Variants in NECAP1 observed in about 807,000 individuals in gnomAD.
NECAP1 encodes adaptin ear-binding coat-associated protein 1.
A neutral mutation model predicts 33.4 loss-of-function variants in NECAP1; 13 were observed. That is an observed-to-expected ratio of 0.39 (90% CI 0.25 to 0.62). NECAP1 has a LOEUF of 0.62. NECAP1 is among the 20% of genes least tolerant of loss of function. The pLI is 0.52. For synonymous variants in NECAP1, 109 were observed against 125.2 expected (o/e 0.87, Z 0.86); for missense variants, 272 against 347.4 (o/e 0.78, Z 1.73).
intron 7 of NECAP1, 69 bp downstream of exon 7, chr12:8,095,772 C>G: frequency 6.9e-7 from 1 of 1,445,868 alleles, no homozygotes; most frequent in East Asian, 2.3e-5. Flanking sequence ...CAATTGAAAT[C>G]TTTGATCTGG....
chr12:8,092,517 T>G, intron 4 of NECAP1, 159 bp from the exon 5 acceptor site: 344 of 551,258 alleles, frequency 6.2e-4, no homozygotes, highest in Middle Eastern at 1.5e-3. Flanking sequence ...CCCCAGTTGT[T>G]TTCTTTCTTG....
chr12:8,087,264 TTATA>T (rs60677195), intron 1 of NECAP1, among the ~76,000 whole-genome samples: 1 of 150,222 alleles, frequency 6.7e-6, no homozygotes, highest in African/African-American at 2.4e-5. Flanking sequence ...GGTTTTTTAT[TTATA>T]TATATATAAA....
At position 8,089,847 on chromosome 12, in the gene NECAP1, A is replaced by T. The variant is rs1322567230; in HGVS notation, c.96-89A>T. On this transcript the variant is annotated intron_variant, in intron 1 of 7. Coordinates refer to ENST00000339754, the MANE Select transcript of NECAP1 (RefSeq NM_015509.4). ...AGGTAGAAAGAATAGGCAATCCAGG[A>T]TAGGGAAATAGAAATACAGTCAAAG... 6 of 958,934 alleles carry T rather than the reference A, an allele frequency of 6.3e-6. No homozygotes were observed. In the South Asian group the frequency reaches 7.9e-5, roughly 13 times the overall value. 59.4% of individuals were successfully genotyped at this position (958,934 alleles called of 1,614,324 possible).
intron 4 of NECAP1, chr12:8,092,148 TTATGTGGGGA>T: frequency 2.5e-6 from 1 of 398,644 alleles, no homozygotes; most frequent in Admixed American, 4.2e-5. Flanking sequence ...CAGCAGGGCT[TTATGTGGGGA>T]GTCGTGTGCC....
intron 1 of NECAP1, among the ~76,000 whole-genome samples, chr12:8,087,964 AT>A (rs1352988665): frequency 1.3e-5 from 2 of 152,156 alleles, no homozygotes; most frequent in African/African-American, 4.8e-5. Flanking sequence ...TTGTTCAAAT[AT>A]ACCTTGTGGT....
intron 6 of NECAP1, 182 bp downstream of exon 6, chr12:8,093,237 T>C (rs1009779720): frequency 3.5e-6 from 2 of 568,648 alleles, no homozygotes; most frequent in Non-Finnish European, 5.9e-6. Context: ...TAGTATCTCA[T>C]AGGTTCTTTG....
At chr12:8,095,919 G>C (rs1237430569) in intron 7 of NECAP1, 123 bp from the exon 8 acceptor site, 2 of 1,297,234 alleles carry the variant, frequency 1.5e-6, no homozygotes, top group African/African-American at 1.5e-5. Flanking sequence ...TTTGTAAGTA[G>C]AATTGCCATG....
Position 8,082,497 on chromosome 12 carries a change from T to TAGC in NECAP1, c.95+115_95+117dup, listed in dbSNP as rs1188332941. ...TACTACCTCTGTATTGTCACCTTGC[T>TAGC]AGCCTCCCTACCTGGGTTGTCATCT... On this transcript the variant is annotated intron_variant, in intron 1 of 7. Transcript: ENST00000339754. 3.2e-6 allele frequency: 3 copies of TAGC among 924,306 alleles called. No homozygotes were observed. The African/African-American group carries it at 4.9e-5, about 15-fold the overall frequency. The allele number at this position is 924,306 out of a possible 1,614,324, so 57.3% of individuals were successfully genotyped here.
chr12:8,091,743 G>C, intron 3 of NECAP1, 26 bp from the exon 4 acceptor site: 1 of 1,610,624 alleles, frequency 6.2e-7, no homozygotes, highest in Non-Finnish European at 8.5e-7. Flanking sequence ...ATACTTCCTA[G>C]TCGAGTCTTC....
chr12:8,095,493 C>G, intron 6 of NECAP1, 108 bp from the exon 7 acceptor site: 1 of 672,304 alleles, frequency 1.5e-6, no homozygotes. Context: ...CATGATCCAC[C>G]CGCCTCGGCC....
rs1479695542 is a variant in NECAP1, at chr12:8,097,406, G to C, written c.*1316G>C. On this transcript the variant is annotated 3_prime_UTR_variant, in exon 8 of 8. Coordinates refer to ENST00000339754, the MANE Select transcript of NECAP1 (RefSeq NM_015509.4). ...ATTGGGTATGTACACTCTGGCCGAA[G>C]GGAGTCCTTATGTTTAGTTTCAAAA... is the stretch of plus-strand genomic sequence containing the variant. 2 of 152,634 alleles carry C rather than the reference G, an allele frequency of 1.3e-5. No individual in the cohort carries two copies. Among genetic ancestry groups the C allele is most frequent in the African/African-American group, 4.8e-5 (2 of 41,454 alleles). The allele number at this position is 152,634 out of a possible 1,614,324, so 9.5% of individuals were successfully genotyped here.
At chr12:8,084,257 T>G (rs1262232535) in intron 1 of NECAP1, among the ~76,000 whole-genome samples, 2 of 152,206 alleles carry the variant, frequency 1.3e-5, no homozygotes, top group Non-Finnish European at 2.9e-5. Context: ...GTAGCAGTTC[T>G]GTTTTTAATA....
intron 6 of NECAP1, chr12:8,093,286 A>G (rs1565645242): frequency 2.0e-6 from 1 of 503,738 alleles, no homozygotes; most frequent in African/African-American, 2.0e-5. Flanking sequence ...AATTTCCTTC[A>G]TTTTTTTCTT....
At chr12:8,094,383 T>C (rs1947575946) in intron 6 of NECAP1, among the ~76,000 whole-genome samples, 1 of 152,228 alleles carries the variant, frequency 6.6e-6, no homozygotes, top group Admixed American at 6.5e-5. Context: ...TTGATACCAC[T>C]TTCTCATCTT....
At chr12:8,089,795 G>C in intron 1 of NECAP1, 141 bp from the exon 2 acceptor site, 1 of 689,460 alleles carries the variant, frequency 1.5e-6, no homozygotes, top group Non-Finnish European at 2.6e-6. Flanking sequence ...CATCTAAATA[G>C]ATCATGAATT....
At chr12:8,091,146 G>C (rs1281049893) in intron 3 of NECAP1, 1 of 153,090 alleles carries the variant, frequency 6.5e-6, no homozygotes, top group Non-Finnish European at 1.5e-5. Context: ...TGGTCTATGA[G>C]AAGATATTTC....
At chr12:8,090,578 G>T (rs1353458355) in intron 3 of NECAP1, 1 of 312,300 alleles carries the variant, frequency 3.2e-6, no homozygotes, top group Non-Finnish European at 6.2e-6. Context: ...GGAGGCCGAG[G>T]TGGGTGGATC....
chr12:8,085,686 C>CTTCTT (rs1947481617), intron 1 of NECAP1, among the ~76,000 whole-genome samples: 11 of 104,812 alleles, frequency 1.0e-4, no homozygotes, highest in African/African-American at 3.4e-4. Flanking sequence ...ACTTAATCTT[C>CTTCTT]TTTTTTTTTT....
chr12:8,092,626 CT>C, intron 4 of NECAP1, 49 bp from the exon 5 acceptor site: 3 of 1,420,174 alleles, frequency 2.1e-6, no homozygotes, highest in Non-Finnish European at 2.9e-6. Flanking sequence ...GTATGTCAGA[CT>C]CTGCTTTCAG....
Sources: allele counts gnomAD v4.1 joint callset (sites outside exome capture counted in the v4.1 genomes callset), GRCh38; gene constraint gnomAD v4.1.1; transcripts MANE v1.5; gene names NCBI Gene and HGNC (gene_info 2026-07-23, HGNC 2026-07-21).